Variants in POLE observed in about 807,000 individuals in gnomAD.
The protein encoded by POLE is DNA polymerase epsilon, catalytic subunit.
In POLE, 188 loss-of-function variants were observed where a neutral mutation model predicts 279.2. That is an observed-to-expected ratio of 0.67 (90% confidence interval 0.60 to 0.76). POLE has a LOEUF of 0.76. Among genes scored for constraint, POLE ranks in the 30% least tolerant of loss-of-function variants. The pLI, the probability that POLE is intolerant of heterozygous loss-of-function variation, is 0.00. For missense variants in POLE, 2,703 were observed against 3,016.7 expected, an observed-to-expected ratio of 0.90 and a Z score of 2.44; for synonymous variants, 1,214 against 1,172.5, an observed-to-expected ratio of 1.04 and a Z score of -0.72.
At chr12:132,658,191 T>C (rs1357820712) in intron 26 of POLE, 3 of 489,196 alleles carry the variant, frequency 6.1e-6, no homozygotes, top group Non-Finnish European at 1.1e-5. Flanking sequence ...CACGTAAACA[T>C]GTCTACATGT....
At position 132,675,350 on chromosome 12, in the gene POLE, C is replaced by A; in HGVS notation, c.1226+48G>T. 1 of 1,598,148 alleles carries A rather than the reference C, an allele frequency of 6.3e-7. No homozygotes were observed. The highest frequency in any genetic ancestry group is 1.1e-5 in the South Asian group (1 of 88,612). The stretch of plus-strand genomic sequence containing the variant: ...CACAGTCTGCAAGAGGCCTTCAGAT[C>A]TCGCTCACGGACAGCAGTGAGGAGC... On this transcript the variant is annotated intron_variant, in intron 12 of 48. Transcript: ENST00000320574. This position sits in a 1 kb window ranked among gnomAD's most constrained non-coding sequence, Gnocchi z 4.3.
At chr12:132,658,908 A>AAAAAG in intron 26 of POLE, among the ~76,000 whole-genome samples, 1 of 150,548 alleles carries the variant, frequency 6.6e-6, no homozygotes, top group Non-Finnish European at 1.5e-5. Context: ...AAAAAAAAAA[A>AAAAAG]GAGCAGTTTC....
chr12:132,663,092 G>C (rs2042715322), intron 23 of POLE, among the ~76,000 whole-genome samples: 1 of 152,208 alleles, frequency 6.6e-6, no homozygotes, highest in Admixed American at 6.5e-5. Context: ...ACAGTGGGCA[G>C]AAGCTTATGG....
Position 132,661,791 on chromosome 12 carries a change from C to A in POLE, c.2707-107G>T. On this transcript the variant is annotated intron_variant, in intron 23 of 48. Transcript: ENST00000320574. The surrounding 1 kb of genome is among the most constrained non-coding windows in gnomAD (Gnocchi z 4.1). ...GATGGATTGACAAACCGAGGCTTTT[C>A]CACATAACTAACACGACTTGGCAGC... 8.9e-7 allele frequency: 1 copy of A among 1,119,932 alleles called. No individual in the cohort carries two copies. Among genetic ancestry groups the A allele is most frequent in the Non-Finnish European group, 1.3e-6 (1 of 778,612 alleles). 69.4% of individuals were successfully genotyped at this position (1,119,932 alleles called of 1,614,324 possible). A position where few individuals can be genotyped will look rare whatever the true frequency, so the allele number is the denominator to read the frequency against.
rs746612874 is a variant in POLE at position 132,648,900 on chromosome 12, C to T, written c.4149+29G>A. On this transcript the variant is annotated intron_variant, in intron 32 of 48. Transcript: ENST00000320574. ...AAGCCACCTCAGGCTGCCCAGATGACTGCAGAGGCAGCACCAGCTCCTCCC... is the reference window on the plus strand; with the variant it reads ...AAGCCACCTCAGGCTGCCCAGATGATTGCAGAGGCAGCACCAGCTCCTCCC... 19 of 1,595,160 alleles carry T rather than the reference C, an allele frequency of 1.2e-5. No individual in the cohort carries two copies. In the South Asian group the frequency reaches 2.1e-4, roughly 18 times the overall value.
intron 1 of POLE, among the ~76,000 whole-genome samples, chr12:132,681,923 G>A (rs1314430882): frequency 1.3e-5 from 2 of 152,174 alleles, no homozygotes; most frequent in South Asian, 2.1e-4. Flanking sequence ...AGTGGCTCAC[G>A]CCTGTAATCC....
chr12:132,668,765 CT>C lies in POLE; in HGVS notation c.1924-29del. The C allele has an allele frequency of 6.2e-7, 1 of 1,613,882 alleles. No homozygotes were observed. The highest frequency in any genetic ancestry group is 8.5e-7 in the Non-Finnish European group (1 of 1,179,770). Reference sequence around the variant, plus strand: ...GGGAGGGGTGAGAAAGCACTTAGGGCTGGGCAGAGAGAGCTCCGACTCTGAC... The same window carrying C: ...GGGAGGGGTGAGAAAGCACTTAGGGCGGGCAGAGAGAGCTCCGACTCTGAC... On this transcript the variant is annotated intron_variant, in intron 17 of 48. Transcript: ENST00000320574. The surrounding 1 kb of genome is among the most constrained non-coding windows in gnomAD (Gnocchi z 4.0).
At position 132,649,418 on chromosome 12, in the gene POLE, G is replaced by A. The variant is rs2138607868; in HGVS notation, c.3893C>T (p.Ala1298Val). The change falls in exon 31 of 49, where the codon GCA becomes GTA. Residue 1298 changes from alanine (A) to valine (V), a missense_variant. Transcript: ENST00000320574. ...GGCCCCGGGCCTGAGCACACCCTCTGCCGACTCCAGACGCTGCCTCTTCCT... is the reference window on the plus strand; with the variant it reads ...GGCCCCGGGCCTGAGCACACCCTCTACCGACTCCAGACGCTGCCTCTTCCT... ...ARRKRQRLES[A>V]EGVLRPGAIR... 1 of 1,613,086 alleles carries A rather than the reference G, an allele frequency of 6.2e-7. No individual in the cohort carries two copies.
At chr12:132,674,804 C>CCCCTCCATTCCCTTCCTTCCCT (rs1358880773) in intron 12 of POLE, among the ~76,000 whole-genome samples, 2 of 151,982 alleles carry the variant, frequency 1.3e-5, no homozygotes, top group East Asian at 3.9e-4. Flanking sequence ...GCCGTGGAGG[C>CCCCTCCATTCCCTTCCTTCCCT]CCCTCCATTC....
intron 26 of POLE, 26 bp from the exon 27 acceptor site, chr12:132,657,996 C>T (rs886848223): frequency 1.4e-6 from 2 of 1,440,260 alleles, no homozygotes; most frequent in African/African-American, 2.8e-5. Context: ...AGGCACACAG[C>T]TCAGTAACAG....
At chr12:132,655,192 A>T (rs1291353194) in intron 29 of POLE, among the ~76,000 whole-genome samples, 1 of 152,250 alleles carries the variant, frequency 6.6e-6, no homozygotes, top group African/African-American at 2.4e-5. Flanking sequence ...ATTTAGATAT[A>T]TAAATGCGTA....
In POLE at chr12:132,661,242, C is replaced by A. The variant is rs1593776765; in HGVS notation, c.2865-78G>T. 5.4e-6 allele frequency: 7 copies of A among 1,303,518 alleles called. No homozygotes were observed. In the East Asian group the frequency reaches 1.6e-4, roughly 30 times the overall value. The allele number at this position is 1,303,518 out of a possible 1,614,324, so 80.7% of individuals were successfully genotyped here. ...CACCAGCTGTGCCTCATCCTCTCTG[C>A]CCGCCTCTTCCCTTTCCAACCCTCC... On this transcript the variant is annotated intron_variant, in intron 24 of 48. Transcript: ENST00000320574. This position sits in a 1 kb window ranked among gnomAD's most constrained non-coding sequence, Gnocchi z 4.1.
chr12:132,671,809 A>G (rs1283389558), intron 16 of POLE, among the ~76,000 whole-genome samples: 1 of 152,162 alleles, frequency 6.6e-6, no homozygotes, highest in Non-Finnish European at 1.5e-5. Context: ...ACCATTATGT[A>G]AACAGATTTT....
intron 46 of POLE, 96 bp downstream of exon 46, chr12:132,626,021 G>T: frequency 1.6e-6 from 2 of 1,279,730 alleles, no homozygotes; most frequent in South Asian, 1.3e-5. Context: ...CAGCAGGTGT[G>T]ACCCACAGAG....
chr12:132,663,825 A>G (rs1163101412), intron 23 of POLE, among the ~76,000 whole-genome samples, 179 bp downstream of exon 23: 2 of 152,178 alleles, frequency 1.3e-5, no homozygotes, highest in African/African-American at 4.8e-5. Context: ...CTATGCTGAA[A>G]GAGAAAGGAG....
At chr12:132,665,521 G>C in intron 20 of POLE, 71 bp from the exon 21 acceptor site, 2 of 1,496,526 alleles carry the variant, frequency 1.3e-6, no homozygotes, top group South Asian at 2.5e-5. Context: ...CAATAGCCCA[G>C]GTTTTTAGTA....
chr12:132,657,290 C>T (rs751966752), intron 28 of POLE, 32 bp from the exon 29 acceptor site: 2 of 1,613,950 alleles, frequency 1.2e-6, no homozygotes, highest in Admixed American at 1.7e-5. Flanking sequence ...CAGAGAGAGA[C>T]CCTTGTCTAA....
rs752370920 is a variant in POLE at position 132,680,187 on chromosome 12, C to T, written c.321G>A (p.Ala107=). The T allele has an allele frequency of 4.5e-5, 73 of 1,613,954 alleles. No homozygotes were observed. The highest frequency in any genetic ancestry group is 1.6e-4 in the Middle Eastern group (1 of 6,084). ...ALPYKPYFYI[A]TRKGCEREVS... is the part of the protein sequence containing the mutation. ...TATGAAACACACTCACCTTTCTGGT[C>T]GCAATGTAGAAATACGGTTTATAGG... The change falls in exon 4 of 49, where the codon GCG becomes GCA. Residue 107 remains alanine (A), a synonymous_variant. Coordinates refer to ENST00000320574, the MANE Select transcript of POLE (RefSeq NM_006231.4).
intron 47 of POLE, chr12:132,625,409 G>A (rs765796841): frequency 1.3e-6 from 1 of 753,762 alleles, no homozygotes; most frequent in Non-Finnish European, 2.4e-6. Context: ...GGGAGTGTCT[G>A]CCTCCTTCCG....
Sources: allele counts gnomAD v4.1 joint callset (sites outside exome capture counted in the v4.1 genomes callset), GRCh38; gene constraint gnomAD v4.1.1; non-coding constraint Gnocchi (gnomAD v3.1); transcripts MANE v1.5; gene names NCBI Gene and HGNC (gene_info 2026-07-23, HGNC 2026-07-21).